The following MAGI2 variants were observed in gnomAD, a reference collection of about 807,000 sequenced individuals.
MAGI2 encodes membrane associated guanylate kinase, WW and PDZ domain containing 2, also known as membrane-associated guanylate kinase, WW and PDZ domain-containing protein 2.
MAGI2 carries 35 observed loss-of-function variants against 133.3 expected under a neutral mutation model. The observed-to-expected ratio is 0.26, with a 90% CI of 0.20 to 0.35. The LOEUF (loss-of-function observed/expected upper bound fraction) is 0.35. MAGI2 is among the 10% of genes least tolerant of loss of function. MAGI2 has a pLI of 1.00. For synonymous variants in MAGI2, 729 were observed against 710.6 expected, an observed-to-expected ratio of 1.03 and a Z score of -0.41; for missense variants, 1,636 against 1,863.4, an observed-to-expected ratio of 0.88 and a Z score of 2.25.
At chr7:79,334,543 C>G (rs1431515603) in intron 1 of MAGI2, among the ~76,000 whole-genome samples, 2 of 152,058 alleles carry the variant, frequency 1.3e-5, no homozygotes, top group African/African-American at 4.8e-5. Flanking sequence ...GAATATTGCC[C>G]TGAGTCAGAC....
chr7:78,403,686 G>A (rs945280157), intron 6 of MAGI2, among the ~76,000 whole-genome samples: 22 of 151,978 alleles, frequency 1.4e-4, no homozygotes, highest in Non-Finnish European at 2.1e-4. Flanking sequence ...TTTAATGATT[G>A]TCATTCTAAC....
intron 2 of MAGI2, among the ~76,000 whole-genome samples, chr7:78,752,728 CA>C (rs374027894): frequency 1.8e-4 from 27 of 152,326 alleles, no homozygotes; most frequent in African/African-American, 6.5e-4. Context: ...CTAACAACAT[CA>C]AGGCCCACCT....
intron 10 of MAGI2, among the ~76,000 whole-genome samples, chr7:78,248,965 T>G (rs577969754): frequency 6.6e-6 from 1 of 151,972 alleles, no homozygotes; most frequent in African/African-American, 2.4e-5. Flanking sequence ...ATTTGCAAAC[T>G]ACTCATCTGA....
chr7:79,327,617 T>A (rs1839790426), intron 1 of MAGI2, among the ~76,000 whole-genome samples: 1 of 152,130 alleles, frequency 6.6e-6, no homozygotes, highest in African/African-American at 2.4e-5. Context: ...AAGAGTTTTT[T>A]CAGAAGCGTC....
rs555439305 is a variant in MAGI2 at position 78,462,834 on chromosome 7, C to T, written c.1045+26927G>A. Among the ~76,000 whole-genome samples the T allele has an allele frequency of 5.3e-5, 8 of 152,210 alleles. No homozygotes were observed. The South Asian group carries it at 6.2e-4, about 12-fold the overall frequency. ...AGGAAGCCTCCTGCCTTGACAAACC[C>T]GCGTGGTTCCTGAAAACGTAGTCTT... On this transcript the variant is annotated intron_variant, in intron 6 of 21. Coordinates refer to ENST00000354212, the MANE Select transcript of MAGI2 (RefSeq NM_012301.4).
chr7:78,257,322 T>G (rs2150954345), intron 9 of MAGI2, among the ~76,000 whole-genome samples: 1 of 152,320 alleles, frequency 6.6e-6, no homozygotes, highest in South Asian at 2.1e-4. Context: ...GCTCAATAAA[T>G]GTGGACTATT....
At chr7:78,728,540 C>CTTTTTTTTTTTTTTT (rs71085560) in intron 2 of MAGI2, among the ~76,000 whole-genome samples, 1 of 60,070 alleles carries the variant, frequency 1.7e-5, no homozygotes, top group Non-Finnish European at 2.9e-5. Flanking sequence ...TTTCTCTGAT[C>CTTTTTTTTTTTTTTT]TTTTTTTTTT....
intron 2 of MAGI2, among the ~76,000 whole-genome samples, chr7:78,635,140 CA>C (rs1220675229): frequency 6.6e-6 from 1 of 152,132 alleles, no homozygotes; most frequent in African/African-American, 2.4e-5. Flanking sequence ...CATGTCTAAA[CA>C]AAATGCATTA....
At chr7:78,913,706 A>G (rs892801713) in intron 2 of MAGI2, among the ~76,000 whole-genome samples, 1 of 152,178 alleles carries the variant, frequency 6.6e-6, no homozygotes, top group South Asian at 2.1e-4. Context: ...GTTATGTTCC[A>G]TGGTGCATAA....
intron 1 of MAGI2, among the ~76,000 whole-genome samples, chr7:79,434,820 A>C (rs1848028092): frequency 6.6e-6 from 1 of 152,290 alleles, no homozygotes; most frequent in Middle Eastern, 3.4e-3. Flanking sequence ...TTCTGCAAAA[A>C]ATTAACATTT....
At chr7:78,329,133 T>A (rs1352113410) in intron 9 of MAGI2, among the ~76,000 whole-genome samples, 2 of 152,180 alleles carry the variant, frequency 1.3e-5, no homozygotes, top group African/African-American at 4.8e-5. Flanking sequence ...TGTACTCTTG[T>A]CACTTCATGC....
chr7:78,950,719 T>A (rs1801798145), intron 2 of MAGI2, among the ~76,000 whole-genome samples: 1 of 152,170 alleles, frequency 6.6e-6, no homozygotes. Flanking sequence ...CATTTGTAGA[T>A]ATAGTGATTT....
chr7:78,790,010 G>C (rs1827128652), intron 2 of MAGI2, among the ~76,000 whole-genome samples: 1 of 152,086 alleles, frequency 6.6e-6, no homozygotes, highest in Admixed American at 6.5e-5. Context: ...TTTACACCTA[G>C]ATAAAGCAAT....
chr7:78,339,008 C>CAAACAAAA (rs1790074917), intron 9 of MAGI2, among the ~76,000 whole-genome samples: 1 of 151,830 alleles, frequency 6.6e-6, no homozygotes, highest in African/African-American at 2.4e-5. Flanking sequence ...AACAAACAAA[C>CAAACAAAA]AAACAAACTT....
intron 5 of MAGI2, among the ~76,000 whole-genome samples, chr7:78,498,042 C>T (rs1282412225): frequency 6.6e-6 from 1 of 151,954 alleles, no homozygotes; most frequent in Non-Finnish European, 1.5e-5. Flanking sequence ...GGTATTCTAC[C>T]TTTCCTTTAA....
chr7:78,706,951 G>A (rs1818712494), intron 2 of MAGI2, among the ~76,000 whole-genome samples: 1 of 152,120 alleles, frequency 6.6e-6, no homozygotes, highest in African/African-American at 2.4e-5. Flanking sequence ...ACCCTGGAGA[G>A]CAATGGGAAT....
intron 16 of MAGI2, among the ~76,000 whole-genome samples, chr7:78,151,878 C>T (rs564766052): frequency 6.8e-4 from 103 of 152,184 alleles, no homozygotes; most frequent in Middle Eastern, 3.4e-3. Context: ...TCACAGTCTT[C>T]CTTTTGATGA....
At chr7:78,821,514 C>G (rs190967492) in intron 2 of MAGI2, among the ~76,000 whole-genome samples, 1 of 151,956 alleles carries the variant, frequency 6.6e-6, no homozygotes, top group Admixed American at 6.5e-5. Context: ...AAACTACAGA[C>G]TATAGAAGCA....
chr7:78,847,194 AT>A (rs1792695135), intron 2 of MAGI2, among the ~76,000 whole-genome samples: 1 of 152,012 alleles, frequency 6.6e-6, no homozygotes, highest in African/African-American at 2.4e-5. Context: ...CATAATTAAT[AT>A]ATTCATTTAT....
Sources: gnomAD v4.1 joint callset for allele counts (sites outside exome capture counted in the v4.1 genomes callset) on GRCh38, gnomAD v4.1.1 for gene constraint, MANE v1.5 for transcripts, NCBI Gene and HGNC (gene_info 2026-07-23, HGNC 2026-07-21) for gene names.